PARD3: variants seen among roughly 807,000 people sequenced by gnomAD.
PARD3 encodes the protein partitioning defective 3 homolog.
A neutral mutation model predicts 155.4 loss-of-function variants in PARD3; 75 were observed. That is an observed-to-expected ratio of 0.48 (90% CI 0.40 to 0.58). The LOEUF is 0.58. PARD3 is among the 20% of genes least tolerant of loss of function. The pLI is 0.00. For missense variants in PARD3, 1,642 were observed against 1,721.7 expected (o/e 0.95, Z 0.82); for synonymous variants, 576 against 610.5 (o/e 0.94, Z 0.83).
At chr10:34,496,981 G>A (rs2080336303) in intron 3 of PARD3, among the ~76,000 whole-genome samples, 1 of 152,172 alleles carries the variant, frequency 6.6e-6, no homozygotes, top group Non-Finnish European at 1.5e-5. Context: ...AATCCTGTTT[G>A]GATGAGTTCG....
rs147698892 is a variant in PARD3, at chr10:34,280,506, G to T, written c.3176+3629C>A. ...AAAGGTACATTTTTTAAACAAGTGA[G>T]AAAGGTGGGAAAGAGAAAACTGAAA... On this transcript the variant is annotated intron_variant, in intron 21 of 24. Coordinates refer to ENST00000374788, the MANE Select transcript of PARD3 (RefSeq NM_001184785.2). Among the ~76,000 whole-genome samples, 222 of 152,318 alleles carry T rather than the reference G, an allele frequency of 1.5e-3. 1 individual carries two copies. The highest frequency in any genetic ancestry group is 2.7e-3 in the Non-Finnish European group (182 of 68,024).
chr10:34,535,453 T>TA (rs987255534), intron 2 of PARD3, among the ~76,000 whole-genome samples: 13 of 152,240 alleles, frequency 8.5e-5, no homozygotes, highest in African/African-American at 2.9e-4. Context: ...TAACACAAAT[T>TA]AAAACAGAGC....
rs569263242 is a variant in PARD3, at chr10:34,481,958, T to C, written c.404-11695A>G. On this transcript the variant is annotated intron_variant, in intron 3 of 24. Transcript: ENST00000374788. The stretch of plus-strand genomic sequence containing the variant: ...GCAATCCACCCGCCACAGCCTCCTA[T>C]GTAGCTGGGACCACAGGTGCCCCCC... 2.0e-5 allele frequency among the ~76,000 whole-genome samples: 3 copies of C among 151,002 alleles called. No individual in the cohort carries two copies. In the South Asian group the frequency reaches 6.4e-4, roughly 32 times the overall value.
intron 1 of PARD3, among the ~76,000 whole-genome samples, chr10:34,790,147 CGTG>C (rs1433991733): frequency 6.6e-6 from 1 of 152,042 alleles, no homozygotes. Flanking sequence ...AAGGTGGAGG[CGTG>C]GTGAGCAAGC....
intron 3 of PARD3, among the ~76,000 whole-genome samples, chr10:34,511,684 T>C (rs543351894): frequency 5.8e-4 from 88 of 152,330 alleles, no homozygotes; most frequent in Non-Finnish European, 1.1e-3. Flanking sequence ...CATCTACTAT[T>C]TGGTTATACA....
intron 3 of PARD3, among the ~76,000 whole-genome samples, chr10:34,507,548 C>CAAAAAAAAAAAAA (rs374421524): frequency 3.7e-4 from 16 of 42,966 alleles, no homozygotes; most frequent in African/African-American, 1.6e-3. Flanking sequence ...ATTAAAAAAA[C>CAAAAAAAAAAAAA]AAAAAAAAAA....
intron 22 of PARD3, among the ~76,000 whole-genome samples, 178 bp downstream of exon 22, chr10:34,269,479 T>A (rs1245579724): frequency 5.9e-5 from 9 of 152,244 alleles, no homozygotes; most frequent in Admixed American, 5.9e-4. Context: ...AAACCTCTGC[T>A]GATCCTTCCA....
chr10:34,541,357 G>A (rs1393489110), intron 2 of PARD3, among the ~76,000 whole-genome samples: 1 of 152,114 alleles, frequency 6.6e-6, no homozygotes, highest in Admixed American at 6.6e-5. Flanking sequence ...TAAATCTCTC[G>A]AATCTGCAGT....
rs974522032 is a variant in PARD3, at chr10:34,298,238, C to G, written c.3066-13993G>C. On this transcript the variant is annotated intron_variant, in intron 20 of 24. Coordinates refer to ENST00000374788, the MANE Select transcript of PARD3 (RefSeq NM_001184785.2). Reference sequence around the variant, plus strand: ...ATGAGTGGCACTTCTGGAAAAGATCCAGAGAAAGAAGCTGACTTAGCTAGA... The same window carrying G: ...ATGAGTGGCACTTCTGGAAAAGATCGAGAGAAAGAAGCTGACTTAGCTAGA... 1.1e-4 allele frequency among the ~76,000 whole-genome samples: 16 copies of G among 152,178 alleles called. 1 individual carries two copies. The highest frequency in any genetic ancestry group is 6.5e-5 in the Admixed American group (1 of 15,280).
intron 2 of PARD3, among the ~76,000 whole-genome samples, chr10:34,649,966 G>A (rs749579031): frequency 4.6e-5 from 7 of 152,066 alleles, no homozygotes; most frequent in Non-Finnish European, 1.0e-4. Flanking sequence ...CCTACACAGG[G>A]TCAGGATCAT....
At position 34,296,758 on chromosome 10, in the gene PARD3, T is replaced by C. The variant is rs537062871; in HGVS notation, c.3066-12513A>G. Among the ~76,000 whole-genome samples the C allele has an allele frequency of 5.9e-5, 9 of 152,230 alleles. No homozygotes were observed. In the South Asian group the frequency reaches 1.7e-3, roughly 28 times the overall value. ...GATATAAAAGTATCAAAGCATTCCA[T>C]CTAAGTCCCAGAAGACAAGATCTAA... is the stretch of plus-strand genomic sequence containing the variant. On this transcript the variant is annotated intron_variant, in intron 20 of 24. Transcript: ENST00000374788.
chr10:34,727,958 GGCCTTTTCAGCACC>G (rs2094748555), intron 1 of PARD3, among the ~76,000 whole-genome samples: 1 of 151,772 alleles, frequency 6.6e-6, no homozygotes, highest in Admixed American at 6.6e-5. Flanking sequence ...ACTGGGCACA[GGCCTTTTCAGCACC>G]CGATATCTGA....
chr10:34,165,558 A>G (rs1949490753), intron 22 of PARD3, among the ~76,000 whole-genome samples: 1 of 152,218 alleles, frequency 6.6e-6, no homozygotes, highest in African/African-American at 2.4e-5. Context: ...TAATGCACAG[A>G]GCCAGTGCCA....
chr10:34,814,505 T>C (rs1399866517), intron 1 of PARD3, among the ~76,000 whole-genome samples: 3 of 151,784 alleles, frequency 2.0e-5, no homozygotes, highest in African/African-American at 7.3e-5. Context: ...TGGGGCTGGA[T>C]TTCCCGGCCT....
At chr10:34,253,683 ATCAGACGACCAC>A (rs72310966) in intron 22 of PARD3, among the ~76,000 whole-genome samples, 58,996 of 151,946 alleles carry the variant, frequency 0.39, 13,391 homozygotes, top group Middle Eastern at 0.54. Context: ...GTTTCAAAGA[ATCAGACGACCAC>A]TCAGAGAAGA....
chr10:34,506,267 C>T (rs1201843144), intron 3 of PARD3, among the ~76,000 whole-genome samples: 1 of 152,174 alleles, frequency 6.6e-6, no homozygotes, highest in Non-Finnish European at 1.5e-5. Context: ...ACATTTTCAG[C>T]AATACCTCTG....
Position 34,111,238 on chromosome 10 carries a change from G to A in PARD3, c.3993C>T (p.Pro1331=), listed in dbSNP as rs890339901. ...TCAGCCTCGCAACCTGAGAAGGGGA[G>A]GGGGGCACATCTTGCCGGAAGGGCC... The part of the protein sequence containing the change: ...PKGPFRQDVP[P]SPSQVARLNR... Residue 1331 remains proline, a synonymous_variant, in exon 25 of 25, where the codon CCC becomes CCT. Coordinates refer to ENST00000374788, the MANE Select transcript of PARD3 (RefSeq NM_001184785.2). 4 of 1,611,444 alleles carry A rather than the reference G, an allele frequency of 2.5e-6. No homozygotes were observed. Among genetic ancestry groups the A allele is most frequent in the Non-Finnish European group, 3.4e-6 (4 of 1,177,962 alleles).
chr10:34,214,464 G>A (rs757571613), intron 22 of PARD3, among the ~76,000 whole-genome samples: 168 of 152,190 alleles, frequency 1.1e-3, no homozygotes, highest in Non-Finnish European at 2.4e-4. Context: ...GGTGATGCCC[G>A]TTTCTGGGCA....
intron 20 of PARD3, among the ~76,000 whole-genome samples, chr10:34,289,459 G>A (rs1956568705): frequency 6.6e-6 from 1 of 151,902 alleles, no homozygotes; most frequent in African/African-American, 2.4e-5. Context: ...CAAAGTGCTG[G>A]GACTACAGGC....
Sources: gnomAD v4.1 joint callset for allele counts (sites outside exome capture counted in the v4.1 genomes callset) on GRCh38, gnomAD v4.1.1 for gene constraint, MANE v1.5 for transcripts, NCBI Gene and HGNC (gene_info 2026-07-23, HGNC 2026-07-21) for gene names.